MTMR6: variants seen among roughly 807,000 people sequenced by gnomAD.
MTMR6 encodes the protein myotubularin related protein 6.
A neutral mutation model predicts 80.1 loss-of-function variants in MTMR6; 47 were observed. That is an observed-to-expected ratio of 0.59 (90% CI 0.46 to 0.75). The LOEUF (loss-of-function observed/expected upper bound fraction) is 0.75. Among genes scored for constraint, MTMR6 ranks in the 30% least tolerant of loss-of-function variants. The pLI is 0.00. For missense variants in MTMR6, 629 were observed against 730.9 expected (o/e 0.86, Z 1.61); for synonymous variants, 254 against 253.0 (o/e 1.00, Z -0.04).
chr13:25,287,135 CCA>C, intron 1 of MTMR6, 87 bp downstream of exon 1: 1 of 1,520,176 alleles, frequency 6.6e-7, no homozygotes, highest in Admixed American at 2.0e-5. Context: ...GCTCCCAGCC[CCA>C]GTCAGGCCAG....
In MTMR6 at chr13:25,287,260, T is replaced by C; in HGVS notation, c.-13A>G. 6.3e-7 allele frequency: 1 copy of C among 1,590,704 alleles called. No homozygotes were observed. Among genetic ancestry groups the C allele is most frequent in the East Asian group, 2.3e-5 (1 of 43,200 alleles). ...GGATATGCTCCATCGCAAGGAGACG[T>C]CAGCCGGCAGCCGGTCTCACAGGCG... is the stretch of plus-strand genomic sequence containing the variant. On this transcript the variant is annotated 5_prime_UTR_variant, in exon 1 of 14. Coordinates refer to ENST00000381801, the MANE Select transcript of MTMR6 (RefSeq NM_004685.5).
chr13:25,257,486 A>C (rs992265335), intron 8 of MTMR6, among the ~76,000 whole-genome samples, 165 bp from the exon 9 acceptor site: 3 of 152,184 alleles, frequency 2.0e-5, no homozygotes, highest in Admixed American at 6.5e-5. Context: ...GTAACAACAA[A>C]AACACAAGCA....
chr13:25,263,137 G>C (rs927521190), intron 5 of MTMR6, among the ~76,000 whole-genome samples: 1 of 152,014 alleles, frequency 6.6e-6, no homozygotes. Flanking sequence ...AAAATTTGGG[G>C]AGATGACAGC....
chr13:25,252,686 T>C (rs1003602009), intron 11 of MTMR6, among the ~76,000 whole-genome samples: 3 of 152,210 alleles, frequency 2.0e-5, no homozygotes, highest in African/African-American at 7.2e-5. Flanking sequence ...TTGAGAATGT[T>C]TGGCACTAAT....
chr13:25,276,367 C>T (rs1214041675), intron 1 of MTMR6, among the ~76,000 whole-genome samples: 1 of 152,144 alleles, frequency 6.6e-6, no homozygotes, highest in East Asian at 1.9e-4. Context: ...AATAGCTTCT[C>T]AGAAAAAATT....
chr13:25,257,439 G>A, intron 8 of MTMR6, 118 bp from the exon 9 acceptor site: 1 of 1,198,272 alleles, frequency 8.3e-7, no homozygotes, highest in Non-Finnish European at 1.1e-6. Flanking sequence ...CAATGATAAT[G>A]TCACAGCATA....
chr13:25,286,998 G>A lies in MTMR6; in HGVS notation c.24+226C>T, dbSNP rs577992151. On this transcript the variant is annotated intron_variant, in intron 1 of 13. Coordinates refer to ENST00000381801, the MANE Select transcript of MTMR6 (RefSeq NM_004685.5). ...TTATCTCTACGCACTCCAAGATGCT[G>A]AAAGTGGGACCCCTGCTCCTGTAGG... Among the ~76,000 whole-genome samples, 7 of 152,274 alleles carry A rather than the reference G, an allele frequency of 4.6e-5. No homozygotes were observed. The South Asian group carries it at 1.2e-3, about 27-fold the overall frequency.
chr13:25,281,189 T>C (rs1017957467), intron 1 of MTMR6, among the ~76,000 whole-genome samples: 2 of 152,096 alleles, frequency 1.3e-5, no homozygotes, highest in Non-Finnish European at 2.9e-5. Flanking sequence ...ATTTTCTAAT[T>C]AGCCAGGCAT....
intron 1 of MTMR6, among the ~76,000 whole-genome samples, chr13:25,276,021 C>T (rs1248413023): frequency 1.3e-5 from 2 of 151,154 alleles, no homozygotes; most frequent in Non-Finnish European, 2.9e-5. Context: ...AAATAAAAAT[C>T]TAGCTTCATT....
chr13:25,270,836 T>C (rs1329499769), intron 2 of MTMR6, among the ~76,000 whole-genome samples: 1 of 152,190 alleles, frequency 6.6e-6, no homozygotes, highest in Non-Finnish European at 1.5e-5. Context: ...GTATGTGCAG[T>C]ACAGGGGTGT....
chr13:25,253,953 A>T lies in MTMR6; in HGVS notation c.1157T>A (p.Leu386Ter), dbSNP rs1957139728. 1 of 1,614,040 alleles carries T rather than the reference A, an allele frequency of 6.2e-7. No individual in the cohort carries two copies. The highest frequency in any genetic ancestry group is 1.3e-5 in the African/African-American group (1 of 74,918). Residue 386 changes from leucine (L) to a stop codon, truncating the protein, a stop_gained, in exon 11 of 14, where the codon TTG (leucine) becomes TAG (stop). Transcript: ENST00000381801. LOFTEE classifies it high-confidence loss of function. ...TGAGACTTCCTTTGGGTCACCATCC[A>T]ACTGGCCACACCTAACCCCACAGAA... is the stretch of plus-strand genomic sequence containing the variant. ...GHKFSERCGQLDGDPKEVSPV... is the reference protein window; with the variant it reads ...GHKFSERCGQ
At chr13:25,252,416 G>C (rs1273029496) in intron 11 of MTMR6, among the ~76,000 whole-genome samples, 1 of 152,212 alleles carries the variant, frequency 6.6e-6, no homozygotes, top group African/African-American at 2.4e-5. Context: ...ACGTAAGTGT[G>C]AGTGGGTACA....
intron 1 of MTMR6, among the ~76,000 whole-genome samples, chr13:25,283,206 T>C (rs115819922): frequency 7.9e-5 from 12 of 151,934 alleles, no homozygotes; most frequent in African/African-American, 2.7e-4. Flanking sequence ...GGCAAGAGAG[T>C]GTGGTTAAGA....
At chr13:25,259,251 C>G (rs1957282723) in intron 6 of MTMR6, among the ~76,000 whole-genome samples, 1 of 152,158 alleles carries the variant, frequency 6.6e-6, no homozygotes, top group African/African-American at 2.4e-5. Flanking sequence ...TGATACATCT[C>G]TGAGAATTGG....
intron 1 of MTMR6, among the ~76,000 whole-genome samples, chr13:25,279,935 T>A (rs1957809645): frequency 6.6e-6 from 1 of 152,172 alleles, no homozygotes; most frequent in Non-Finnish European, 1.5e-5. Flanking sequence ...AAATATGGCT[T>A]GTAAGATCAT....
intron 2 of MTMR6, among the ~76,000 whole-genome samples, chr13:25,270,352 G>A (rs1463752719): frequency 6.6e-6 from 1 of 152,148 alleles, no homozygotes; most frequent in African/African-American, 2.4e-5. Context: ...TATGGCTCTA[G>A]TATATTAAAC....
Position 25,283,206 on chromosome 13 carries a change from T to A in MTMR6, c.24+4018A>T, listed in dbSNP as rs115819922. 3.5e-3 allele frequency among the ~76,000 whole-genome samples: 525 copies of A among 152,052 alleles called. 6 individuals carry two copies. Among genetic ancestry groups the A allele is most frequent in the African/African-American group, 0.012 (504 of 41,444 alleles). ...ATTATTATTCTGTGAGGCAAGAGAG[T>A]GTGGTTAAGAGAATAGGCTTGCTAT... On this transcript the variant is annotated intron_variant, in intron 1 of 13. Coordinates refer to ENST00000381801, the MANE Select transcript of MTMR6 (RefSeq NM_004685.5).
intron 1 of MTMR6, among the ~76,000 whole-genome samples, chr13:25,275,347 A>C (rs970819349): frequency 1.3e-5 from 2 of 151,818 alleles, no homozygotes; most frequent in South Asian, 2.1e-4. Flanking sequence ...GCTTGAACCC[A>C]GACGGTGGAG....
At chr13:25,256,382 G>A (rs923494786) in intron 9 of MTMR6, among the ~76,000 whole-genome samples, 4 of 152,260 alleles carry the variant, frequency 2.6e-5, no homozygotes, top group African/African-American at 9.6e-5. Flanking sequence ...CAGCACTCCC[G>A]CTTGGCCTGT....
Sources: allele counts gnomAD v4.1 joint callset (sites outside exome capture counted in the v4.1 genomes callset), GRCh38; gene constraint gnomAD v4.1.1; transcripts MANE v1.5; gene names NCBI Gene and HGNC (gene_info 2026-07-23, HGNC 2026-07-21).